Variants in PANK1 observed in about 807,000 individuals in gnomAD.
PANK1 encodes pantothenic acid kinase 1.
Under a neutral mutation model 40.1 loss-of-function variants are expected in PANK1, and 18 were observed. That is an observed-to-expected ratio of 0.45 (90% CI 0.31 to 0.67). The LOEUF is 0.67. PANK1 is among the 30% of genes least tolerant of loss of function. The probability of loss-of-function intolerance (pLI) is 0.06; values close to 1 mark genes in which losing one functional copy is unlikely to be tolerated. For synonymous variants in PANK1, 242 were observed against 237.7 expected (o/e 1.02, Z -0.17); for missense variants, 457 against 599.6 (o/e 0.76, Z 2.48).
In PANK1 at chr10:89,593,910, C is replaced by T; in HGVS notation, c.979G>A (p.Ala327Thr). 6.2e-7 allele frequency: 1 copy of T among 1,613,690 alleles called. No homozygotes were observed. Among genetic ancestry groups the T allele is most frequent in the Non-Finnish European group, 8.5e-7 (1 of 1,179,620 alleles). ...TCAACATTGGTGCTGTCGCCTTTAGCTGCCATTTCCAGAGCTTCTTCAAAG... is the reference window on the plus strand; with the variant it reads ...TCAACATTGGTGCTGTCGCCTTTAGTTGCCATTTCCAGAGCTTCTTCAAAG... ...ETFEEALEMA[A>T]KGDSTNVDKL... Residue 327 changes from alanine to threonine, a missense_variant, in exon 4 of 7, where the codon GCT (alanine) becomes ACT (threonine). Transcript: ENST00000307534.
At chr10:89,618,389 C>T (rs935460234) in intron 1 of PANK1, among the ~76,000 whole-genome samples, 8 of 152,308 alleles carry the variant, frequency 5.3e-5, no homozygotes, top group Non-Finnish European at 8.8e-5. Flanking sequence ...TCAAGAGGAA[C>T]CACATCCAGA....
chr10:89,622,918 A>T (rs2133982468), intron 1 of PANK1, among the ~76,000 whole-genome samples: 1 of 152,308 alleles, frequency 6.6e-6, no homozygotes. Context: ...AGGGCTAATT[A>T]AACAAATAAT....
chr10:89,588,925 G>A (rs1473880726), intron 5 of PANK1, 148 bp from the exon 6 acceptor site: 1 of 543,080 alleles, frequency 1.8e-6, no homozygotes, highest in Non-Finnish European at 3.0e-6. Flanking sequence ...TCGCCAAAAT[G>A]AAGTTAAACC....
rs1352373246 is a variant in PANK1 at position 89,645,084 on chromosome 10, C to T, written c.-193G>A. On this transcript the variant is annotated 5_prime_UTR_variant, in exon 1 of 7. Coordinates refer to ENST00000307534, the MANE Select transcript of PANK1 (RefSeq NM_148977.3). Reference sequence around the variant, plus strand: ...ACTCCCCCACCTCCTCTGCGCCCTGCCCCCCGCGCGCCGGCCCCACGGCGC... The same window carrying T: ...ACTCCCCCACCTCCTCTGCGCCCTGTCCCCCGCGCGCCGGCCCCACGGCGC... 9 of 1,505,660 alleles carry T rather than the reference C, an allele frequency of 6.0e-6. No individual in the cohort carries two copies. Among genetic ancestry groups the T allele is most frequent in the South Asian group, 1.3e-5 (1 of 77,540 alleles). The allele number at this position is 1,505,660 out of a possible 1,614,324, so 93.3% of individuals were successfully genotyped here. A position where few individuals can be genotyped will look rare whatever the true frequency, so the allele number is the denominator to read the frequency against.
intron 1 of PANK1, chr10:89,643,969 C>A (rs1441123248): frequency 5.9e-6 from 5 of 849,278 alleles, no homozygotes; most frequent in Non-Finnish European, 8.3e-6. Context: ...CACCTCCAAT[C>A]CTCATTGGTC....
chr10:89,584,740 T>C (rs929866519), intron 6 of PANK1, among the ~76,000 whole-genome samples: 5 of 152,212 alleles, frequency 3.3e-5, no homozygotes, highest in African/African-American at 1.2e-4. Context: ...TTCATCTTTA[T>C]CTTTGTCATG....
intron 1 of PANK1, among the ~76,000 whole-genome samples, chr10:89,629,227 A>C (rs1013735367): frequency 6.6e-5 from 10 of 152,216 alleles, no homozygotes; most frequent in African/African-American, 2.2e-4. Context: ...ATTGCTCAGA[A>C]GTGTTTGCTT....
rs568985448 is a variant in PANK1, at chr10:89,617,940, C to G, written c.293-5892G>C. ...AAACTGTTCAAGACCTAAAAAACCT[C>G]TGGAGCCCTCAACTCTCTAAAGTCA... On this transcript the variant is annotated intron_variant, in intron 1 of 6. Coordinates refer to ENST00000307534, the MANE Select transcript of PANK1 (RefSeq NM_148977.3). Among the ~76,000 whole-genome samples, 229 of 152,342 alleles carry G rather than the reference C, an allele frequency of 1.5e-3. 1 individual carries two copies. Among genetic ancestry groups the G allele is most frequent in the African/African-American group, 5.3e-3 (219 of 41,580 alleles).
At chr10:89,642,470 C>T (rs892930494) in intron 1 of PANK1, among the ~76,000 whole-genome samples, 4 of 152,228 alleles carry the variant, frequency 2.6e-5, no homozygotes, top group Non-Finnish European at 5.9e-5. Context: ...CACCAGCACA[C>T]ACTAAAGTTT....
At chr10:89,599,651 T>C (rs1844715905) in intron 2 of PANK1, 146 bp from the exon 3 acceptor site, 2 of 767,920 alleles carry the variant, frequency 2.6e-6, no homozygotes, top group African/African-American at 1.8e-5. Flanking sequence ...TTGCAGATAA[T>C]CAGCCACTGC....
intron 1 of PANK1, among the ~76,000 whole-genome samples, chr10:89,619,272 G>C (rs1187060488): frequency 6.6e-6 from 1 of 152,092 alleles, no homozygotes; most frequent in Non-Finnish European, 1.5e-5. Flanking sequence ...TTTCTTGAAG[G>C]CTTTTTCAGA....
At chr10:89,605,149 TC>T (rs769792282) in intron 2 of PANK1, among the ~76,000 whole-genome samples, 1 of 152,116 alleles carries the variant, frequency 6.6e-6, no homozygotes, top group African/African-American at 2.4e-5. Context: ...AGATTAGTAA[TC>T]TTTTTGCTGG....
chr10:89,609,276 G>A (rs1477064160), intron 2 of PANK1, among the ~76,000 whole-genome samples: 2 of 152,130 alleles, frequency 1.3e-5, no homozygotes, highest in Non-Finnish European at 2.9e-5. Flanking sequence ...TGTTGGCCAG[G>A]CTGGTTCAAA....
chr10:89,619,555 G>C (rs1247673907), intron 1 of PANK1, among the ~76,000 whole-genome samples: 2 of 152,174 alleles, frequency 1.3e-5, no homozygotes, highest in Admixed American at 1.3e-4. Context: ...TGAGGCACAA[G>C]TGTTCCTGGC....
intron 1 of PANK1, among the ~76,000 whole-genome samples, chr10:89,633,948 G>T (rs1012475999): frequency 6.6e-6 from 1 of 152,202 alleles, no homozygotes; most frequent in Admixed American, 6.5e-5. Context: ...GAATCTGGCA[G>T]GCAAGAATAT....
chr10:89,590,622 C>T (rs1461709530), intron 5 of PANK1, among the ~76,000 whole-genome samples: 1 of 151,956 alleles, frequency 6.6e-6, no homozygotes, highest in East Asian at 1.9e-4. Context: ...ATACCGTATA[C>T]AAATACACTG....
intron 1 of PANK1, among the ~76,000 whole-genome samples, chr10:89,618,346 T>C (rs372414448): frequency 6.6e-6 from 1 of 152,192 alleles, no homozygotes; most frequent in East Asian, 1.9e-4. Flanking sequence ...GAAGAGCAGA[T>C]AACTTGCCAC....
chr10:89,620,047 T>A (rs1036114051), intron 1 of PANK1, among the ~76,000 whole-genome samples: 1 of 151,116 alleles, frequency 6.6e-6, no homozygotes, highest in Non-Finnish European at 1.5e-5. Context: ...ACTTCCCCAA[T>A]CAATACTCTT....
chr10:89,593,431 C>T, intron 4 of PANK1, 111 bp from the exon 5 acceptor site: 4 of 1,232,176 alleles, frequency 3.2e-6, no homozygotes, highest in Middle Eastern at 5.6e-4. Context: ...CTCAAGTGAT[C>T]CAATTTTGCT....
Sources: allele counts gnomAD v4.1 joint callset (sites outside exome capture counted in the v4.1 genomes callset), GRCh38; gene constraint gnomAD v4.1.1; transcripts MANE v1.5; gene names NCBI Gene and HGNC (gene_info 2026-07-23, HGNC 2026-07-21).